RASIP1: variants seen among roughly 807,000 people sequenced by gnomAD.
RASIP1 encodes ras-interacting protein 1.
In RASIP1, 20 loss-of-function variants were observed where a neutral mutation model predicts 85.3. The observed-to-expected ratio is 0.23, with a 90% CI of 0.17 to 0.34. RASIP1 has a LOEUF of 0.34. Among genes scored for constraint, RASIP1 ranks in the 10% least tolerant of loss-of-function variants. The pLI is 1.00. For missense variants in RASIP1, 1,170 were observed against 1,390.9 expected, an observed-to-expected ratio of 0.84 and a Z score of 2.53; for synonymous variants, 617 against 647.1, an observed-to-expected ratio of 0.95 and a Z score of 0.71.
chr19:48,729,244 G>T lies in RASIP1; in HGVS notation c.1526C>A (p.Ala509Asp). The change falls in exon 5 of 12, where the codon GCC becomes GAC. Residue 509 changes from alanine to aspartate, a missense_variant. Ala to Asp is a moderately radical substitution (Grantham distance 126). Coordinates refer to ENST00000222145, the MANE Select transcript of RASIP1 (RefSeq NM_017805.3). ...RPPWLPARPG[A>D]TPPGPGWAFS... ...GGCCCAGCCAGGGCCTGGCGGCGTG[G>T]CCCCGGGGCGCGCGGGCAGCCACGG... 7.0e-7 allele frequency: 1 copy of T among 1,438,440 alleles called. No homozygotes were observed. Among genetic ancestry groups the T allele is most frequent in the Non-Finnish European group, 9.1e-7 (1 of 1,102,092 alleles). The allele number at this position is 1,438,440 out of a possible 1,614,324, so 89.1% of individuals were successfully genotyped here.
chr19:48,737,364 G>C (rs533327049), intron 3 of RASIP1: 5 of 650,910 alleles, frequency 7.7e-6, no homozygotes, highest in African/African-American at 2.0e-5. Context: ...CGTTTAGAAG[G>C]CTCCCTGAGC....
chr19:48,729,597 G>A lies in RASIP1; in HGVS notation c.1180-7C>T. The A allele has an allele frequency of 6.3e-7, 1 of 1,585,292 alleles. No homozygotes were observed. The highest frequency in any genetic ancestry group is 8.6e-7 in the Non-Finnish European group (1 of 1,165,986). ...TCACATACACCACAAAGTCCTGGAGGGGAAACGAGGATGCACTAAGGACAT... is the reference window on the plus strand; with the variant it reads ...TCACATACACCACAAAGTCCTGGAGAGGAAACGAGGATGCACTAAGGACAT... On this transcript the variant is annotated splice_polypyrimidine_tract_variant and splice_region_variant and intron_variant, in intron 4 of 11. Coordinates refer to ENST00000222145, the MANE Select transcript of RASIP1 (RefSeq NM_017805.3).
Position 48,735,248 on chromosome 19 carries a change from G to C in RASIP1, c.1127C>G (p.Ala376Gly). Reference protein sequence around the residue: ...FDQLTQCLIQAPSNRPYFLLL... With the variant: ...FDQLTQCLIQGPSNRPYFLLL... ...CAGGAAGTAGGGGCGGTTGCTGGGG[G>C]CCTGGATGAGGCACTGAGTCAACTG... The change falls in exon 4 of 12, where the codon GCC becomes GGC. Residue 376 changes from alanine to glycine, a missense_variant. By Grantham distance (60) the Ala-to-Gly change is moderately conservative. Transcript: ENST00000222145. 6.2e-7 allele frequency: 1 copy of C among 1,613,884 alleles called. No homozygotes were observed. The highest frequency in any genetic ancestry group is 8.5e-7 in the Non-Finnish European group (1 of 1,179,910).
chr19:48,722,210 G>C (rs2033260456), intron 10 of RASIP1, among the ~76,000 whole-genome samples: 2 of 151,934 alleles, frequency 1.3e-5, no homozygotes, highest in Non-Finnish European at 2.9e-5. Flanking sequence ...TGTGCCTCAG[G>C]ATAATTGAGG....
intron 4 of RASIP1, among the ~76,000 whole-genome samples, chr19:48,734,578 TC>T (rs1334181329): frequency 6.6e-6 from 1 of 151,496 alleles, no homozygotes; most frequent in Non-Finnish European, 1.5e-5. Context: ...ACCTCTGCCT[TC>T]CGGGTTCAAA....
At chr19:48,722,858 C>G (rs1601269278) in intron 10 of RASIP1, among the ~76,000 whole-genome samples, 1 of 152,160 alleles carries the variant, frequency 6.6e-6, no homozygotes, top group Middle Eastern at 3.4e-3. Flanking sequence ...TGGAACACTG[C>G]CTGGGGCTTA....
intron 5 of RASIP1, among the ~76,000 whole-genome samples, chr19:48,727,638 C>T (rs956095464): frequency 6.6e-6 from 1 of 151,622 alleles, no homozygotes; most frequent in African/African-American, 2.4e-5. Flanking sequence ...ACTAGGATTA[C>T]AGGCATGAGC....
chr19:48,739,386 G>T lies in RASIP1; in HGVS notation c.397C>A (p.Pro133Thr). ...GCGCGGGTAGCCAGCGGGGGCTCGGGGGCCACGCCCGCCGCCAGCTCCGGC... is the reference window on the plus strand; with the variant it reads ...GCGCGGGTAGCCAGCGGGGGCTCGGTGGCCACGCCCGCCGCCAGCTCCGGC... The part of the protein sequence containing the change: ...KLPELAAGVA[P>T]EPPLATRATA... The change falls in exon 3 of 12, where the codon CCC becomes ACC. Residue 133 changes from proline (P) to threonine (T), a missense_variant. This residue lies in a region of RASIP1 where 299 missense variants were observed against 394.4 expected (regional missense o/e 0.76). Coordinates refer to ENST00000222145, the MANE Select transcript of RASIP1 (RefSeq NM_017805.3). The surrounding 1 kb of genome is among the most constrained non-coding windows in gnomAD (Gnocchi z 9.2). The T allele has an allele frequency of 7.4e-7, 1 of 1,343,848 alleles. No homozygotes were observed. Among genetic ancestry groups the T allele is most frequent in the Non-Finnish European group, 9.5e-7 (1 of 1,052,806 alleles). 83.2% of individuals were successfully genotyped at this position (1,343,848 alleles called of 1,614,324 possible). A position where few individuals can be genotyped will look rare whatever the true frequency, so the allele number is the denominator to read the frequency against.
chr19:48,723,060 A>G (rs541443070), intron 10 of RASIP1, among the ~76,000 whole-genome samples: 8 of 151,968 alleles, frequency 5.3e-5, no homozygotes, highest in Admixed American at 5.2e-4. Flanking sequence ...TAATTTTTAA[A>G]ATTTTTGGTA....
intron 10 of RASIP1, 38 bp from the exon 11 acceptor site, chr19:48,722,039 C>T (rs766213720): frequency 2.2e-6 from 3 of 1,359,380 alleles, no homozygotes; most frequent in Non-Finnish European, 2.9e-6. Context: ...ATGGTCATTA[C>T]GGGGCAGTTA....
chr19:48,735,073 ACGCCCCACTAGAGTACTTGAGGCTAGCG>A, intron 4 of RASIP1, 95 bp downstream of exon 4: 1 of 874,676 alleles, frequency 1.1e-6, no homozygotes, highest in South Asian at 1.8e-5. Context: ...TTGAGGGACC[ACGCCCCACTAGAGTACTTGAGGCTAGCG>A]CGCCCCGGGC....
intron 5 of RASIP1, among the ~76,000 whole-genome samples, chr19:48,728,028 C>T (rs1208964862): frequency 6.6e-6 from 1 of 152,130 alleles, no homozygotes; most frequent in Non-Finnish European, 1.5e-5. Flanking sequence ...AGAATGGTCT[C>T]TCCTTACTTT....
Position 48,740,444 on chromosome 19 carries a change from GGATGGAA to G in RASIP1, c.-5+70_-5+76del. On this transcript the variant is annotated intron_variant, in intron 1 of 11. Transcript: ENST00000222145. The surrounding 1 kb of genome is among the most constrained non-coding windows in gnomAD (Gnocchi z 5.5). Reference sequence around the variant, plus strand: ...TGGTACCCTGGATTCCTGGGTCCTGGGATGGAAGATGGCTGGGGGACTGAGTCTTGGG... The same window carrying G: ...TGGTACCCTGGATTCCTGGGTCCTGGGATGGCTGGGGGACTGAGTCTTGGG... 1 of 1,396,364 alleles carries G rather than the reference GGATGGAA, an allele frequency of 7.2e-7. No individual in the cohort carries two copies. The highest frequency in any genetic ancestry group is 9.3e-7 in the Non-Finnish European group (1 of 1,076,126). 86.5% of individuals were successfully genotyped at this position (1,396,364 alleles called of 1,614,324 possible).
intron 3 of RASIP1, chr19:48,737,845 C>T (rs1223144267): frequency 2.1e-6 from 2 of 969,084 alleles, no homozygotes; most frequent in Non-Finnish European, 2.5e-6. Context: ...CCCCGCCCAT[C>T]TGCTCTGCAT....
At chr19:48,737,789 C>T in intron 3 of RASIP1, 2 of 985,070 alleles carry the variant, frequency 2.0e-6, no homozygotes, top group Non-Finnish European at 2.4e-6. Flanking sequence ...CCAGACCACG[C>T]TTTTCCACAA....
At chr19:48,737,105 A>G (rs572235188) in intron 3 of RASIP1, among the ~76,000 whole-genome samples, 2 of 152,280 alleles carry the variant, frequency 1.3e-5, no homozygotes, top group East Asian at 1.9e-4. Context: ...TGCTCAATGG[A>G]TACTTTGTCG....
intron 4 of RASIP1, among the ~76,000 whole-genome samples, chr19:48,734,412 CAA>C (rs1267135304): frequency 6.6e-6 from 1 of 151,330 alleles, no homozygotes; most frequent in Non-Finnish European, 1.5e-5. Flanking sequence ...CTCCTGAGCT[CAA>C]GAGATCCTCC....
At chr19:48,729,643 G>C in intron 4 of RASIP1, 53 bp from the exon 5 acceptor site, 1 of 1,476,362 alleles carries the variant, frequency 6.8e-7, no homozygotes, top group Non-Finnish European at 9.2e-7. Flanking sequence ...CATATCTTCA[G>C]ATCTGTTCTC....
At position 48,726,853 on chromosome 19, in the gene RASIP1, C is replaced by T. The variant is rs377327742; in HGVS notation, c.2059G>A (p.Glu687Lys). Residue 687 changes from glutamate (E) to lysine (K), a missense_variant, in exon 8 of 12, where the codon GAG (glutamate) becomes AAG (lysine). Coordinates refer to ENST00000222145, the MANE Select transcript of RASIP1 (RefSeq NM_017805.3). Reference sequence around the variant, plus strand: ...ACCTCATCCAGGAGGGCCATGGCCTCATCACATAATTCCAAGTCATTGCAG... The same window carrying T: ...ACCTCATCCAGGAGGGCCATGGCCTTATCACATAATTCCAAGTCATTGCAG... ...QLCNDLELCD[E>K]AMALLDEVIM... 15 of 1,613,972 alleles carry T rather than the reference C, an allele frequency of 9.3e-6. No homozygotes were observed. Among genetic ancestry groups the T allele is most frequent in the Non-Finnish European group, 1.3e-5 (15 of 1,179,978 alleles).
Sources: allele counts gnomAD v4.1 joint callset (sites outside exome capture counted in the v4.1 genomes callset), GRCh38; gene constraint gnomAD v4.1.1; regional missense constraint gnomAD v4.1.1; non-coding constraint Gnocchi (gnomAD v3.1); transcripts MANE v1.5; gene names NCBI Gene and HGNC (gene_info 2026-07-23, HGNC 2026-07-21).